Variants in RBL1 observed in about 807,000 individuals in gnomAD.
RBL1 encodes RB transcriptional corepressor like 1.
A neutral mutation model predicts 123.0 loss-of-function variants in RBL1; 82 were observed. That is an observed-to-expected ratio of 0.67 (90% CI 0.56 to 0.80). The LOEUF (loss-of-function observed/expected upper bound fraction) is 0.80, where lower values mean the gene tolerates loss of function less well. RBL1 is among the 30% of genes least tolerant of loss of function. The pLI is 0.00. For missense variants in RBL1, 1,171 were observed against 1,299.6 expected (o/e 0.90, Z 1.52); for synonymous variants, 405 against 441.3 (o/e 0.92, Z 1.03).
chr20:37,046,178 G>A (rs577619735), intron 12 of RBL1, among the ~76,000 whole-genome samples: 3 of 152,164 alleles, frequency 2.0e-5, no homozygotes, highest in African/African-American at 4.8e-5. Flanking sequence ...GGCTTTATTA[G>A]TTAGACCACC....
At chr20:37,007,332 TA>T (rs2064090964) in intron 20 of RBL1, 78 bp downstream of exon 20, 1 of 1,475,526 alleles carries the variant, frequency 6.8e-7, no homozygotes, top group Admixed American at 1.9e-5. Flanking sequence ...TACTTGGACA[TA>T]TTTATCTAGC....
chr20:37,040,553 A>AT (rs2146260967), intron 13 of RBL1, among the ~76,000 whole-genome samples: 1 of 152,122 alleles, frequency 6.6e-6, no homozygotes, highest in African/African-American at 2.4e-5. Flanking sequence ...AGGTTTCACC[A>AT]TGTTGGCCAG....
At chr20:37,085,132 C>CTTCTTTTCTTTTCT (rs1568893323) in intron 2 of RBL1, among the ~76,000 whole-genome samples, 3 of 132,982 alleles carry the variant, frequency 2.3e-5, no homozygotes, top group Non-Finnish European at 4.9e-5. Flanking sequence ...CTTTTCTTTT[C>CTTCTTTTCTTTTCT]TTTTTTTTTT....
chr20:37,025,280 G>A (rs774111056), intron 16 of RBL1, among the ~76,000 whole-genome samples: 14 of 152,196 alleles, frequency 9.2e-5, no homozygotes, highest in Non-Finnish European at 1.8e-4. Flanking sequence ...AGCACATTGG[G>A]AGGGTGAGGT....
At chr20:37,039,252 C>T (rs563831510) in intron 14 of RBL1, among the ~76,000 whole-genome samples, 28 of 152,200 alleles carry the variant, frequency 1.8e-4, no homozygotes, top group South Asian at 8.3e-4. Context: ...AAAGAGAATA[C>T]AAATTTTATT....
At chr20:37,067,192 C>A (rs2065193001) in intron 4 of RBL1, 41 bp downstream of exon 4, 3 of 1,574,930 alleles carry the variant, frequency 1.9e-6, no homozygotes, top group Non-Finnish European at 2.6e-6. Context: ...GCACCAAGTT[C>A]CCAGAGTAGA....
chr20:37,060,033 G>A (rs934306310), intron 9 of RBL1, among the ~76,000 whole-genome samples: 3 of 152,000 alleles, frequency 2.0e-5, no homozygotes, highest in South Asian at 2.1e-4. Context: ...TTAGCTGGGC[G>A]TGGTGGCGCA....
Position 37,055,600 on chromosome 20 carries a change from T to C in RBL1, c.1420A>G (p.Thr474Ala), listed in dbSNP as rs1568863034. ...CTTCGTGTTTCCTGAACCATTACAG[T>C]CTCTAGTATTTTATAATACAAAATT... Reference protein sequence around the residue: ...AEILYYKILETVMVQETRRLH... With the variant: ...AEILYYKILEAVMVQETRRLH... The change falls in exon 11 of 22, where the codon ACT becomes GCT. Residue 474 changes from threonine to alanine, a missense_variant. By Grantham distance (58) the Thr-to-Ala change is moderately conservative. Coordinates refer to ENST00000373664, the MANE Select transcript of RBL1 (RefSeq NM_002895.5). 1.9e-6 allele frequency: 3 copies of C among 1,614,028 alleles called. No homozygotes were observed. Among genetic ancestry groups the C allele is most frequent in the African/African-American group, 2.7e-5 (2 of 75,038 alleles).
rs1280478436 is a variant in RBL1, at chr20:37,082,068, G to A, written c.290+6921C>T. ...CAGAGCATGTGTCTCTATGCCGGGG[G>A]AGCCTGCAAGGCTGGGCCAGGATCA... On this transcript the variant is annotated intron_variant, in intron 2 of 21. Coordinates refer to ENST00000373664, the MANE Select transcript of RBL1 (RefSeq NM_002895.5). 3 of 454,610 alleles carry A rather than the reference G, an allele frequency of 6.6e-6. No individual in the cohort carries two copies. The East Asian group carries it at 2.1e-4, about 32-fold the overall frequency. The allele number at this position is 454,610 out of a possible 1,614,324, so 28.2% of individuals were successfully genotyped here. A position where few individuals can be genotyped will look rare whatever the true frequency, so the allele number is the denominator to read the frequency against.
At chr20:37,045,081 CTTATTTAT>C (rs373003508) in intron 12 of RBL1, among the ~76,000 whole-genome samples, 4,912 of 146,152 alleles carry the variant, frequency 0.034, 112 homozygotes, top group South Asian at 0.12. Flanking sequence ...CATTTATTTA[CTTATTTAT>C]TTATTTATTT....
chr20:37,000,372 G>T lies in RBL1; in HGVS notation c.3037-1443C>A, dbSNP rs1405407345. Among the ~76,000 whole-genome samples, 29 of 148,088 alleles carry T rather than the reference G, an allele frequency of 2.0e-4. 1 individual carries two copies. The highest frequency in any genetic ancestry group is 7.4e-4 in the Admixed American group (11 of 14,912). Reference sequence around the variant, plus strand: ...CGCCCCGTCCAGAAGGGAGGTGGGGGGGTTAGCCCCCCGCCCGGCCAGCCG... The same window carrying T: ...CGCCCCGTCCAGAAGGGAGGTGGGGTGGTTAGCCCCCCGCCCGGCCAGCCG... On this transcript the variant is annotated intron_variant, in intron 21 of 21. Coordinates refer to ENST00000373664, the MANE Select transcript of RBL1 (RefSeq NM_002895.5).
intron 3 of RBL1, among the ~76,000 whole-genome samples, chr20:37,067,540 G>A (rs777140991): frequency 1.4e-4 from 21 of 151,900 alleles, no homozygotes; most frequent in Non-Finnish European, 1.9e-4. Flanking sequence ...AGGCCGAGGT[G>A]GGTAGATCAC....
chr20:37,066,056 T>C (rs976841317), intron 6 of RBL1, among the ~76,000 whole-genome samples: 1 of 152,232 alleles, frequency 6.6e-6, no homozygotes, highest in Non-Finnish European at 1.5e-5. Flanking sequence ...GAAGAATTTA[T>C]GCTTAAAGAA....
At chr20:37,015,456 A>G (rs1359483933) in intron 19 of RBL1, among the ~76,000 whole-genome samples, 1 of 151,104 alleles carries the variant, frequency 6.6e-6, no homozygotes, top group Non-Finnish European at 1.5e-5. Context: ...TTTGAGATGG[A>G]GTCTCACTCT....
intron 16 of RBL1, among the ~76,000 whole-genome samples, chr20:37,024,915 C>A (rs953963621): frequency 6.6e-6 from 1 of 152,146 alleles, no homozygotes; most frequent in South Asian, 2.1e-4. Flanking sequence ...GTGAAAAGAG[C>A]AAGACTCTCC....
chr20:37,012,238 C>G (rs965980422), intron 19 of RBL1, among the ~76,000 whole-genome samples: 10 of 152,258 alleles, frequency 6.6e-5, no homozygotes, highest in Non-Finnish European at 1.5e-4. Context: ...AGCCGCCTGG[C>G]CTTGGCCTCC....
chr20:37,038,644 C>T lies in RBL1; in HGVS notation c.1903+1509G>A, dbSNP rs1600510201. 2.1e-5 allele frequency among the ~76,000 whole-genome samples: 3 copies of T among 144,842 alleles called. No individual in the cohort carries two copies. The South Asian group carries it at 6.6e-4, about 32-fold the overall frequency. ...CTGAAACAGAGTCTCGCTCTGTCCG[C>T]CAGGCTGGGGTCCAGTGGTGTGATC... On this transcript the variant is annotated intron_variant, in intron 14 of 21. Coordinates refer to ENST00000373664, the MANE Select transcript of RBL1 (RefSeq NM_002895.5).
intron 21 of RBL1, among the ~76,000 whole-genome samples, chr20:36,999,532 CT>C (rs1297970350): frequency 6.6e-6 from 1 of 151,958 alleles, no homozygotes; most frequent in African/African-American, 2.4e-5. Context: ...CGGTCTCCCC[CT>C]GATGCCGAGC....
chr20:37,066,836 G>A lies in RBL1; in HGVS notation c.734C>T (p.Pro245Leu), dbSNP rs1219232171. ...HTADFTASEE[P>L]PCIIAVLCEL... ...ACACAGTACAGCAATGATGCAGGGT[G>A]GCTCTTCAGAAGCCGTAAAGTCAGC... The change falls in exon 6 of 22, where the codon CCA becomes CTA. Residue 245 changes from proline (P) to leucine (L), a missense_variant. Transcript: ENST00000373664. 3.7e-6 allele frequency: 6 copies of A among 1,613,636 alleles called. No homozygotes were observed. Among genetic ancestry groups the A allele is most frequent in the Non-Finnish European group, 5.1e-6 (6 of 1,179,730 alleles).
Sources: allele counts gnomAD v4.1 joint callset (sites outside exome capture counted in the v4.1 genomes callset), GRCh38; gene constraint gnomAD v4.1.1; transcripts MANE v1.5; gene names NCBI Gene and HGNC (gene_info 2026-07-23, HGNC 2026-07-21).